Variants in PRICKLE3 observed in about 807,000 individuals in gnomAD.
PRICKLE3 encodes LIM domain only protein 6.
A neutral mutation model predicts 33.8 loss-of-function variants in PRICKLE3; 17 were observed. That is an observed-to-expected ratio of 0.50 (90% CI 0.34 to 0.75). PRICKLE3 has a LOEUF of 0.75. Among genes scored for constraint, PRICKLE3 ranks in the 30% least tolerant of loss-of-function variants. PRICKLE3 has a pLI of 0.01. For synonymous variants in PRICKLE3, 211 were observed against 219.6 expected (o/e 0.96, Z 0.34); for missense variants, 573 against 576.7 (o/e 0.99, Z 0.07).
Position 49,175,736 on chromosome X carries a change from G to A in PRICKLE3, c.1785C>T (p.Leu595=), listed in dbSNP as rs139649915. The A allele has an allele frequency of 9.1e-6, 11 of 1,210,095 alleles. No individual in the cohort carries two copies. In the African/African-American group the frequency reaches 1.9e-4, roughly 21 times the overall value. The change falls in exon 9 of 9, where the codon CTC becomes CTT. Residue 595 remains leucine, a synonymous_variant. Coordinates refer to ENST00000599218, the MANE Select transcript of PRICKLE3 (RefSeq NM_006150.5). ...METFNSPSLS[L]PRDSRAGMPR... is the part of the protein sequence containing the mutation. ...GCATCCCTGCGCGAGAGTCCCTGGG[G>A]AGCGATAAAGATGGGGAGTTGAAGG...
At position 49,175,896 on chromosome X, in the gene PRICKLE3, G is replaced by A. The variant is rs192584914; in HGVS notation, c.1625C>T (p.Ser542Leu). The A allele has an allele frequency of 1.7e-6, 2 of 1,209,914 alleles. No individual in the cohort carries two copies. The highest frequency in any genetic ancestry group is 3.0e-5 in the East Asian group (1 of 33,705). The change falls in exon 9 of 9, where the codon TCG (serine) becomes TTG (leucine). Residue 542 changes from serine to leucine, a missense_variant. Transcript: ENST00000599218. ...GGAGGGCGAGCTGGAGCAAGATTCC[G>A]AGTCTGACCCTGATCCCGCGTCACA... Reference protein sequence around the residue: ...YQCDAGSGSDSESCSSSPSSS... With the variant: ...YQCDAGSGSDLESCSSSPSSS...
intron 2 of PRICKLE3, 42 bp from the exon 3 acceptor site, chrX:49,183,959 C>T (rs1413717622): frequency 8.5e-7 from 1 of 1,178,935 alleles, no homozygotes; most frequent in East Asian, 3.0e-5. Flanking sequence ...AGGAGTTGCC[C>T]ACCCGAACCC....
chrX:49,185,009 CT>C, intron 1 of PRICKLE3: 1 of 674,350 alleles, frequency 1.5e-6, no homozygotes, highest in Non-Finnish European at 2.1e-6. Flanking sequence ...TCCCACCAGC[CT>C]TAGATCCTTC....
Position 49,183,823 on chromosome X carries a change from C to A in PRICKLE3, c.223G>T (p.Asp75Tyr). The A allele has an allele frequency of 8.3e-7, 1 of 1,211,240 alleles. No individual in the cohort carries two copies. The highest frequency in any genetic ancestry group is 1.1e-6 in the Non-Finnish European group (1 of 895,370). ...LERIMCRLIS[D>Y]FQRHSISDDD... Reference sequence around the variant, plus strand: ...TCGGAGATGGAGTGGCGCTGGAAGTCCGAGATTAGCCGACACATGATGCGT... The same window carrying A: ...TCGGAGATGGAGTGGCGCTGGAAGTACGAGATTAGCCGACACATGATGCGT... Residue 75 changes from aspartate (D) to tyrosine (Y), a missense_variant, in exon 3 of 9, where the codon GAC becomes TAC. By Grantham distance (160) the Asp-to-Tyr change is radical. Coordinates refer to ENST00000599218, the MANE Select transcript of PRICKLE3 (RefSeq NM_006150.5).
At chrX:49,184,317 G>C (rs1361287232) in intron 2 of PRICKLE3, among the ~76,000 whole-genome samples, 2 of 111,561 alleles carry the variant, frequency 1.8e-5, no homozygotes, top group African/African-American at 6.5e-5. Flanking sequence ...CTGAGTCTAA[G>C]AGGGGTGCTG....
intron 3 of PRICKLE3, among the ~76,000 whole-genome samples, chrX:49,183,034 G>A (rs2065464673): frequency 9.0e-6 from 1 of 111,386 alleles, no homozygotes; most frequent in Non-Finnish European, 1.9e-5. Flanking sequence ...ATGTTGGCCA[G>A]GTTGGTCTCA....
At chrX:49,177,823 A>G (rs1446022048) in intron 7 of PRICKLE3, among the ~76,000 whole-genome samples, 170 bp downstream of exon 7, 2 of 111,869 alleles carry the variant, frequency 1.8e-5, no homozygotes, top group Non-Finnish European at 3.8e-5. Flanking sequence ...TAGTGGGGAC[A>G]TTGGGAGTGG....
chrX:49,176,798 G>T, intron 8 of PRICKLE3, 105 bp downstream of exon 8: 2 of 844,556 alleles, frequency 2.4e-6, no homozygotes, highest in Non-Finnish European at 3.2e-6. Flanking sequence ...GATACAGCAG[G>T]TGAAGGGCCT....
chrX:49,183,031 C>T (rs2065464639), intron 3 of PRICKLE3, among the ~76,000 whole-genome samples: 3 of 111,309 alleles, frequency 2.7e-5, no homozygotes, highest in South Asian at 7.5e-4. Flanking sequence ...GCCATGTTGG[C>T]CAGGTTGGTC....
chrX:49,181,808 G>C (rs1214179896), intron 3 of PRICKLE3, among the ~76,000 whole-genome samples: 1 of 105,033 alleles, frequency 9.5e-6, no homozygotes, highest in African/African-American at 3.5e-5. Flanking sequence ...CACCACGCCT[G>C]GCTAATTTTT....
In PRICKLE3 at chrX:49,175,578, A is replaced by G; in HGVS notation, c.*95T>C. On this transcript the variant is annotated 3_prime_UTR_variant, in exon 9 of 9. Transcript: ENST00000599218. Reference sequence around the variant, plus strand: ...AAAGGAGGGAGGAAGAGGATTTATGACTTAGGTTGTAGGGGCGGGGCGTGG... The same window carrying G: ...AAAGGAGGGAGGAAGAGGATTTATGGCTTAGGTTGTAGGGGCGGGGCGTGG... The G allele has an allele frequency of 1.4e-6, 1 of 729,089 alleles. No individual in the cohort carries two copies. Among genetic ancestry groups the G allele is most frequent in the Non-Finnish European group, 2.0e-6 (1 of 508,307 alleles). 60.1% of individuals were successfully genotyped at this position (729,089 alleles called of 1,213,427 possible). A position where few individuals can be genotyped will look rare whatever the true frequency, so the allele number is the denominator to read the frequency against.
rs782359222 is a variant in PRICKLE3, at chrX:49,179,110, G to A, written c.564+141C>T. The A allele has an allele frequency of 2.5e-5, 20 of 813,633 alleles. No homozygotes were observed. In the South Asian group the frequency reaches 3.1e-4, roughly 13 times the overall value. The allele number at this position is 813,633 out of a possible 1,213,427, so 67.1% of individuals were successfully genotyped here. ...CAGTGAGATGTGAGGAACAGACCCCGCCCACAAGAGGGGACCCTAGAGACA... is the reference window on the plus strand; with the variant it reads ...CAGTGAGATGTGAGGAACAGACCCCACCCACAAGAGGGGACCCTAGAGACA... On this transcript the variant is annotated intron_variant, in intron 5 of 8. Transcript: ENST00000599218.
chrX:49,177,301 G>A lies in PRICKLE3; in HGVS notation c.956-99C>T, dbSNP rs1462610833. On this transcript the variant is annotated intron_variant, in intron 7 of 8. Transcript: ENST00000599218. ...CTTCTCAAGAAGAGGTGGGGAATCC[G>A]AGGCAGGGCACCCCTGGGTGCCTTC... 1.1e-5 allele frequency: 10 copies of A among 901,912 alleles called. 1 individual carries two copies. In the South Asian group the frequency reaches 2.5e-4, roughly 23 times the overall value. 74.3% of individuals were successfully genotyped at this position (901,912 alleles called of 1,213,427 possible). A position where few individuals can be genotyped will look rare whatever the true frequency, so the allele number is the denominator to read the frequency against.
chrX:49,181,570 TATAC>T lies in PRICKLE3; in HGVS notation c.313-1768_313-1765del, dbSNP rs2147874696. The stretch of plus-strand genomic sequence containing the variant: ...ATATGTGTATATATATACACGTATA[TATAC>T]GTATATATATACGCGTGTATCTATA... On this transcript the variant is annotated intron_variant, in intron 3 of 8. Coordinates refer to ENST00000599218, the MANE Select transcript of PRICKLE3 (RefSeq NM_006150.5). Among the ~76,000 whole-genome samples the T allele has an allele frequency of 5.4e-3, 406 of 75,078 alleles. 129 individuals carry two copies. The highest frequency in any genetic ancestry group is 0.017 in the African/African-American group (338 of 19,399). 65.2% of individuals were successfully genotyped at this position (75,078 alleles called of 115,157 possible).
chrX:49,185,269 A>G (rs2065477683), intron 1 of PRICKLE3, among the ~76,000 whole-genome samples: 1 of 111,169 alleles, frequency 9.0e-6, no homozygotes, highest in African/African-American at 3.3e-5. Flanking sequence ...CTGATACCCA[A>G]GGAACTGGGG....
At chrX:49,182,100 C>T (rs1416949608) in intron 3 of PRICKLE3, among the ~76,000 whole-genome samples, 3 of 109,385 alleles carry the variant, frequency 2.7e-5, no homozygotes, top group Non-Finnish European at 5.7e-5. Flanking sequence ...ACATTTGCCA[C>T]CATGCCAGAC....
chrX:49,184,472 G>T (rs1207380912), intron 2 of PRICKLE3, among the ~76,000 whole-genome samples, 153 bp downstream of exon 2: 8 of 112,543 alleles, frequency 7.1e-5, no homozygotes, highest in Non-Finnish European at 1.3e-4. Flanking sequence ...TGAGTCAGGG[G>T]GCGGGGCTCT....
At chrX:49,185,896 CAAAAAA>C (rs35472415) in intron 1 of PRICKLE3, among the ~76,000 whole-genome samples, 2 of 29,723 alleles carry the variant, frequency 6.7e-5, no homozygotes, top group Non-Finnish European at 1.2e-4. Context: ...GATTCAGTCT[CAAAAAA>C]AAAAAAAAAA....
rs1557100232 is a variant in PRICKLE3 at position 49,177,122 on chromosome X, G to A, written c.1036C>T (p.Arg346Trp). 4 of 1,197,732 alleles carry A rather than the reference G, an allele frequency of 3.3e-6. No homozygotes were observed. The highest frequency in any genetic ancestry group is 3.6e-5 in the South Asian group (2 of 55,371). The change falls in exon 8 of 9, where the codon CGG becomes TGG. Residue 346 changes from arginine (R) to tryptophan (W), a missense_variant. By Grantham distance (101) the Arg-to-Trp change is moderately radical (BLOSUM62 -3). Transcript: ENST00000599218. ...AGGAATGGGCGGCCCAGCAGGGCCC[G>A]CCCACAGCGACTACAGCAGAAGCAG... ...DRCFCCSRCG[R>W]ALLGRPFLPR...
Sources: gnomAD v4.1 joint callset for allele counts (sites outside exome capture counted in the v4.1 genomes callset) on GRCh38, gnomAD v4.1.1 for gene constraint, MANE v1.5 for transcripts, NCBI Gene and HGNC (gene_info 2026-07-23, HGNC 2026-07-21) for gene names.